SCARF1: variants seen among roughly 807,000 people sequenced by gnomAD.
SCARF1 encodes the protein acetyl LDL receptor.
A neutral mutation model predicts 76.3 loss-of-function variants in SCARF1; 49 were observed. The observed-to-expected ratio is 0.64, with a 90% CI of 0.51 to 0.81. SCARF1 has a LOEUF of 0.81. Among genes scored for constraint, SCARF1 ranks in the 40% least tolerant of loss-of-function variants. The probability of loss-of-function intolerance (pLI) is 0.00; values close to 1 mark genes in which losing one functional copy is unlikely to be tolerated. For synonymous variants in SCARF1, 495 were observed against 474.6 expected (o/e 1.04, Z -0.56); for missense variants, 1,098 against 1,143.9 (o/e 0.96, Z 0.58).
intron 7 of SCARF1, 80 bp from the exon 8 acceptor site, chr17:1,639,006 C>T: frequency 7.1e-7 from 1 of 1,400,798 alleles, no homozygotes; most frequent in Non-Finnish European, 9.6e-7. Flanking sequence ...TGCCTGCTAC[C>T]CAGAAGCTTC....
Position 1,639,911 on chromosome 17 carries a change from C to G in SCARF1, c.1139+1G>C. ...CCCGCCCCCGGGATCCCCATCCTTA[C>G]CTGGGCCCCCAGTAGCCGGCACTGC... On this transcript the variant is annotated splice_donor_variant, in intron 6 of 10. Coordinates refer to ENST00000263071, the MANE Select transcript of SCARF1 (RefSeq NM_003693.4). LOFTEE classifies it high-confidence loss of function. 1 of 1,613,190 alleles carries G rather than the reference C, an allele frequency of 6.2e-7. No individual in the cohort carries two copies. Among genetic ancestry groups the G allele is most frequent in the Non-Finnish European group, 8.5e-7 (1 of 1,179,534 alleles).
Position 1,637,003 on chromosome 17 carries a change from G to C in SCARF1, c.1424C>G (p.Thr475Ser). ...GCAGGGCAGCGTGGAGCCCAAGCTG[G>C]TCAGTGTCCCCCAGACCTGCAGCTT... ...RMKLQVWGTLTSLGSTLPCRS... is the reference protein window; with the variant it reads ...RMKLQVWGTLSSLGSTLPCRS... Residue 475 changes from threonine to serine, a missense_variant, in exon 9 of 11, where the codon ACC becomes AGC. Transcript: ENST00000263071. 1 of 1,614,004 alleles carries C rather than the reference G, an allele frequency of 6.2e-7. No homozygotes were observed. Among genetic ancestry groups the C allele is most frequent in the Non-Finnish European group, 8.5e-7 (1 of 1,180,012 alleles).
In SCARF1 at chr17:1,640,812, T is replaced by TC. The variant is rs11409194; in HGVS notation, c.792-147dup. The TC allele has an allele frequency of 8.9e-3, 6,126 of 689,814 alleles. 253 individuals carry two copies. In the African/African-American group the frequency reaches 0.097, roughly 11 times the overall value. 42.7% of individuals were successfully genotyped at this position (689,814 alleles called of 1,614,324 possible). A position where few individuals can be genotyped will look rare whatever the true frequency, so the allele number is the denominator to read the frequency against. ...GGTCAGGCAGGTTTGAGCCTCAGTT[T>TC]CCCCACGTTGTACAATGAGGACAAA... On this transcript the variant is annotated intron_variant, in intron 4 of 10. Transcript: ENST00000263071. The surrounding 1 kb of genome is among the most constrained non-coding windows in gnomAD (Gnocchi z 4.7).
chr17:1,645,172 A>C lies in SCARF1; in HGVS notation c.163+6T>G. On this transcript the variant is annotated splice_donor_region_variant and intron_variant, in intron 2 of 10. Coordinates refer to ENST00000263071, the MANE Select transcript of SCARF1 (RefSeq NM_003693.4). This position sits in a 1 kb window ranked among gnomAD's most constrained non-coding sequence, Gnocchi z 6.3. ...CCTTGGCTGAGGGTCTGTCCTGGCT[A>C]CTCACGGATGGTGCATTCTTGATCC... The C allele has an allele frequency of 6.2e-7, 1 of 1,613,754 alleles. No individual in the cohort carries two copies. The highest frequency in any genetic ancestry group is 8.5e-7 in the Non-Finnish European group (1 of 1,179,950).
In SCARF1 at chr17:1,644,370, G is replaced by A. The variant is rs1012853988; in HGVS notation, c.266-403C>T. ...CCTGGATACTGCCCGCCAGGGTGTCGGGAGAAGCCACCTTTCCCCTAGTGA... is the reference window on the plus strand; with the variant it reads ...CCTGGATACTGCCCGCCAGGGTGTCAGGAGAAGCCACCTTTCCCCTAGTGA... On this transcript the variant is annotated intron_variant, in intron 3 of 10. Coordinates refer to ENST00000263071, the MANE Select transcript of SCARF1 (RefSeq NM_003693.4). The surrounding 1 kb of genome is among the most constrained non-coding windows in gnomAD (Gnocchi z 4.8). 4.2e-5 allele frequency: 11 copies of A among 264,830 alleles called. No individual in the cohort carries two copies. Among genetic ancestry groups the A allele is most frequent in the Non-Finnish European group, 6.5e-5 (9 of 139,196 alleles). The allele number at this position is 264,830 out of a possible 1,614,324, so 16.4% of individuals were successfully genotyped here.
At chr17:1,639,790 G>A in intron 6 of SCARF1, 48 bp from the exon 7 acceptor site, 1 of 1,605,624 alleles carries the variant, frequency 6.2e-7, no homozygotes, top group Non-Finnish European at 8.5e-7. Flanking sequence ...TGAAGTGGGG[G>A]AGGCAGGCAG....
Position 1,635,179 on chromosome 17 carries a change from A to C in SCARF1, c.2072T>G (p.Ile691Ser). ...VQESSGPVTTIYMLAGKPRGS... is the reference protein window; with the variant it reads ...VQESSGPVTTSYMLAGKPRGS... ...GCGGGGCTTCCCTGCCAGCATGTAG[A>C]TCGTGGTCACAGGGCCCGAGCTCTC... Residue 691 changes from isoleucine to serine, a missense_variant, in exon 11 of 11, where the codon ATC becomes AGC. Transcript: ENST00000263071. 6.2e-7 allele frequency: 1 copy of C among 1,613,460 alleles called. No homozygotes were observed. The highest frequency in any genetic ancestry group is 8.5e-7 in the Non-Finnish European group (1 of 1,180,014).
At position 1,635,327 on chromosome 17, in the gene SCARF1, C is replaced by A; in HGVS notation, c.1924G>T (p.Glu642Ter). The change falls in exon 11 of 11, where the codon GAA becomes TAA. Residue 642 changes from glutamate (E) to a stop codon, truncating the protein, a stop_gained. Transcript: ENST00000263071. LOFTEE classifies it low-confidence loss of function (END_TRUNC). ...AEESTGPEEAEAPESFPAAAS... is the reference protein window; with the variant it reads ...AEESTGPEEA ...GCCGCCGGAAAGGACTCGGGGGCTT[C>A]TGCTTCCTCTGGGCCTGTGGACTCT... The A allele has an allele frequency of 1.9e-6, 3 of 1,612,760 alleles. No homozygotes were observed. Among genetic ancestry groups the A allele is most frequent in the Non-Finnish European group, 2.5e-6 (3 of 1,179,414 alleles).
rs368033286 is a variant in SCARF1 at position 1,640,505 on chromosome 17, G to A, written c.953C>T (p.Ala318Val). The change falls in exon 5 of 11, where the codon GCC becomes GTC. Residue 318 changes from alanine to valine, a missense_variant. By Grantham distance (64) the Ala-to-Val change is moderately conservative (BLOSUM62 0). Transcript: ENST00000263071. The surrounding 1 kb of genome is among the most constrained non-coding windows in gnomAD (Gnocchi z 4.7). ...QQCPHCRHGE[A>V]CEPDTGHCQR... ...ACAGTGGCCAGTATCTGGCTCACAG[G>A]CCTCCCCATGTCGGCAGTGAGGGCA... 8 of 1,586,432 alleles carry A rather than the reference G, an allele frequency of 5.0e-6. No individual in the cohort carries two copies. In the African/African-American group the frequency reaches 6.7e-5, roughly 13 times the overall value.
intron 4 of SCARF1, among the ~76,000 whole-genome samples, chr17:1,641,942 G>A (rs1401987617): frequency 6.6e-6 from 1 of 151,718 alleles, no homozygotes; most frequent in Non-Finnish European, 1.5e-5. Context: ...GGCTGGTCTC[G>A]AACTCCTGAC....
In SCARF1 at chr17:1,645,377, G is replaced by C; in HGVS notation, c.102-138C>G. The C allele has an allele frequency of 7.1e-7, 1 of 1,403,080 alleles. No homozygotes were observed. Among genetic ancestry groups the C allele is most frequent in the Non-Finnish European group, 9.7e-7 (1 of 1,035,678 alleles). 86.9% of individuals were successfully genotyped at this position (1,403,080 alleles called of 1,614,324 possible). On this transcript the variant is annotated intron_variant, in intron 1 of 10. Transcript: ENST00000263071. The surrounding 1 kb of genome is among the most constrained non-coding windows in gnomAD (Gnocchi z 6.3). ...AGGCCTAATGGATCTTTACAGCTAGGGTCCCCAGCCCCTCCCCTCTCCTTC... is the reference window on the plus strand; with the variant it reads ...AGGCCTAATGGATCTTTACAGCTAGCGTCCCCAGCCCCTCCCCTCTCCTTC...
At position 1,643,681 on chromosome 17, in the gene SCARF1, G is replaced by C; in HGVS notation, c.552C>G (p.Gly184=). 1.4e-6 allele frequency: 2 copies of C among 1,461,312 alleles called. No individual in the cohort carries two copies. The highest frequency in any genetic ancestry group is 1.3e-5 in the South Asian group (1 of 76,784). 90.5% of individuals were successfully genotyped at this position (1,461,312 alleles called of 1,614,324 possible). Residue 184 remains glycine, a synonymous_variant, in exon 4 of 11, where the codon GGC becomes GGG. Transcript: ENST00000263071. ...GGAAGCTGCAGCGGCGCCCCCACCA[G>C]CCCGGCTTGCACACGCAGGCGCCCG... ...QATGACVCKP[G]WWGRRCSFRC... is the part of the protein sequence containing the mutation.
rs149614839 is a variant in SCARF1 at position 1,639,665 on chromosome 17, T to C, written c.1217A>G (p.His406Arg). 33 of 1,575,586 alleles carry C rather than the reference T, an allele frequency of 2.1e-5. No homozygotes were observed. The African/African-American group carries it at 4.4e-4, about 21-fold the overall frequency. ...TGGCTGGCAGGACCCAGAGACAGGG[T>C]GGCAGAGTCCCTCTGGGCATTCACA... ...VPCECPEGLC[H>R]PVSGSCQPGS... The change falls in exon 7 of 11, where the codon CAC becomes CGC. Residue 406 changes from histidine to arginine, a missense_variant. By Grantham distance (29) the His-to-Arg change is conservative (BLOSUM62 0). Transcript: ENST00000263071.
In SCARF1 at chr17:1,640,879, C is replaced by CT; in HGVS notation, c.792-214dup. On this transcript the variant is annotated intron_variant, in intron 4 of 10. Coordinates refer to ENST00000263071, the MANE Select transcript of SCARF1 (RefSeq NM_003693.4). This position sits in a 1 kb window ranked among gnomAD's most constrained non-coding sequence, Gnocchi z 4.7. ...ATCCCATCCCTTTCCTTCCAGGCAT[C>CT]TGCTCTGTGACCGTCTTTCCCTGGG... 6.6e-6 allele frequency among the ~76,000 whole-genome samples: 1 copy of CT among 152,168 alleles called. No individual in the cohort carries two copies. The highest frequency in any genetic ancestry group is 1.5e-5 in the Non-Finnish European group (1 of 68,026).
rs1909320562 is a variant in SCARF1 at position 1,634,254 on chromosome 17, T to C, written c.*504A>G. 2.2e-5 allele frequency: 4 copies of C among 183,524 alleles called. No homozygotes were observed. The East Asian group carries it at 5.4e-4, about 25-fold the overall frequency. The allele number at this position is 183,524 out of a possible 1,614,324, so 11.4% of individuals were successfully genotyped here. ...ATACAAAAAAATTAGCCAAGCGTGG[T>C]GGAGGGCACCTGTAGTCCCAGCTAC... On this transcript the variant is annotated 3_prime_UTR_variant, in exon 11 of 11. Transcript: ENST00000263071.
intron 8 of SCARF1, chr17:1,638,512 T>A (rs1042418980): frequency 1.6e-5 from 4 of 242,586 alleles, no homozygotes; most frequent in Non-Finnish European, 2.4e-5. Flanking sequence ...AACTTCCTCA[T>A]TGAAGGCTTC....
At chr17:1,637,327 C>CCTATCTATCTAT (rs72522019) in intron 8 of SCARF1, among the ~76,000 whole-genome samples, 6 of 111,118 alleles carry the variant, frequency 5.4e-5, no homozygotes, top group African/African-American at 2.4e-4. Context: ...TAAAACAGAT[C>CCTATCTATCTAT]CTATCTATCT....
chr17:1,639,851 C>A lies in SCARF1; in HGVS notation c.1139+61G>T, dbSNP rs1386011828. ...ACTGTCCAGGGAAGTTCAGGAAATG[C>A]TGCACAGAGCCCTGACCTAGGCCCC... is the stretch of plus-strand genomic sequence containing the variant. On this transcript the variant is annotated intron_variant, in intron 6 of 10. Coordinates refer to ENST00000263071, the MANE Select transcript of SCARF1 (RefSeq NM_003693.4). 10 of 1,609,346 alleles carry A rather than the reference C, an allele frequency of 6.2e-6. No individual in the cohort carries two copies. The East Asian group carries it at 2.0e-4, about 32-fold the overall frequency.
At chr17:1,639,029 A>G in intron 7 of SCARF1, 103 bp from the exon 8 acceptor site, 3 of 1,245,068 alleles carry the variant, frequency 2.4e-6, no homozygotes, top group Non-Finnish European at 1.1e-6. Context: ...CCTGGGGGTC[A>G]CTCCCTGCCT....
Sources: gnomAD v4.1 joint callset for allele counts (sites outside exome capture counted in the v4.1 genomes callset) on GRCh38, gnomAD v4.1.1 for gene constraint, Gnocchi (gnomAD v3.1) non-coding constraint, MANE v1.5 for transcripts, NCBI Gene and HGNC (gene_info 2026-07-23, HGNC 2026-07-21) for gene names.